STARD5: variants seen among roughly 807,000 people sequenced by gnomAD.
STARD5 encodes stAR-related lipid transfer protein 5.
STARD5 carries 26 observed loss-of-function variants against 24.6 expected under a neutral mutation model. The observed-to-expected ratio is 1.06, with a 90% confidence interval of 0.77 to 1.47. The LOEUF (loss-of-function observed/expected upper bound fraction) is 1.47. Ranked by LOEUF, STARD5 falls within the 40% of genes most tolerant of loss-of-function variation. The pLI, the probability that STARD5 is intolerant of heterozygous loss-of-function variation, is 0.00. For synonymous variants in STARD5, 101 were observed against 99.7 expected (o/e 1.01, Z -0.07); for missense variants, 254 against 270.8 (o/e 0.94, Z 0.44).
Position 81,319,466 on chromosome 15 carries a change from C to A in STARD5, c.283-10G>T. ...TGCTTACACACAGGGTCTGCCAAAC[C>A]AAAGAAGCATGTAGCTGTGACTGCT... On this transcript the variant is annotated splice_polypyrimidine_tract_variant and intron_variant, in intron 3 of 5. Coordinates refer to ENST00000302824, the MANE Select transcript of STARD5 (RefSeq NM_181900.3). 5 of 1,611,612 alleles carry A rather than the reference C, an allele frequency of 3.1e-6. No individual in the cohort carries two copies. The highest frequency in any genetic ancestry group is 4.2e-6 in the Non-Finnish European group (5 of 1,177,718).
intron 5 of STARD5, among the ~76,000 whole-genome samples, chr15:81,316,675 G>T (rs28704082): frequency 0.12 from 18,710 of 152,126 alleles, 2,147 homozygotes; most frequent in African/African-American, 0.31. Context: ...CTGAATCTAG[G>T]GTCCAGAATA....
chr15:81,323,597 A>G (rs1179625912), intron 1 of STARD5: 21 of 1,340,788 alleles, frequency 1.6e-5, no homozygotes, highest in Non-Finnish European at 2.2e-5. Context: ...ATGCTGGATC[A>G]GACTTTACTG....
intron 5 of STARD5, among the ~76,000 whole-genome samples, chr15:81,317,049 T>C (rs1255975607): frequency 1.3e-5 from 2 of 151,888 alleles, no homozygotes; most frequent in Non-Finnish European, 1.5e-5. Flanking sequence ...ATACAAAAAT[T>C]AGCCAGGCAT....
At chr15:81,313,526 C>T in intron 5 of STARD5, 123 bp from the exon 6 acceptor site, 1 of 927,288 alleles carries the variant, frequency 1.1e-6, no homozygotes, top group East Asian at 3.0e-5. Flanking sequence ...GCGTCTCATC[C>T]CTTGCTGTGC....
intron 5 of STARD5, among the ~76,000 whole-genome samples, chr15:81,314,912 A>AC (rs1410407612): frequency 6.6e-6 from 1 of 150,976 alleles, no homozygotes; most frequent in African/African-American, 2.4e-5. Flanking sequence ...AAAAAAAAAA[A>AC]AAAGAATCTC....
At chr15:81,319,569 C>G in intron 3 of STARD5, 113 bp from the exon 4 acceptor site, 5 of 877,864 alleles carry the variant, frequency 5.7e-6, no homozygotes, top group Non-Finnish European at 9.5e-6. Flanking sequence ...TAGGGTGGCA[C>G]TATAAACAGT....
chr15:81,323,996 C>A lies in STARD5; in HGVS notation c.99+5G>T. The A allele has an allele frequency of 6.3e-7, 1 of 1,592,178 alleles. No homozygotes were observed. Reference sequence around the variant, plus strand: ...CGACCCCTTCCCGCCCAGCTCCTCACTCACGCCTTCCCGGCAAATCTTCCA... The same window carrying A: ...CGACCCCTTCCCGCCCAGCTCCTCAATCACGCCTTCCCGGCAAATCTTCCA... On this transcript the variant is annotated splice_donor_5th_base_variant and intron_variant, in intron 1 of 5. Coordinates refer to ENST00000302824, the MANE Select transcript of STARD5 (RefSeq NM_181900.3).
chr15:81,322,646 T>C (rs1567056915), intron 2 of STARD5, 106 bp from the exon 3 acceptor site: 1 of 1,542,260 alleles, frequency 6.5e-7, no homozygotes, highest in Non-Finnish European at 8.9e-7. Context: ...GTCACTACTC[T>C]TTAGGACAGA....
At position 81,319,106 on chromosome 15, in the gene STARD5, AGG is replaced by A. The variant is rs11427228; in HGVS notation, c.400+231_400+232del. ...TGAGCTTCCGCAGGAAAAAAAAAAA[AGG>A]GGCACTGGCAAAACCGTGACTTGAA... On this transcript the variant is annotated intron_variant, in intron 4 of 5. Transcript: ENST00000302824. Among the ~76,000 whole-genome samples the A allele has an allele frequency of 4.7e-4, 71 of 151,156 alleles. 1 individual carries two copies. Among genetic ancestry groups the A allele is most frequent in the African/African-American group, 1.7e-3 (71 of 41,048 alleles).
At chr15:81,321,111 T>G (rs1901185269) in intron 3 of STARD5, among the ~76,000 whole-genome samples, 1 of 152,230 alleles carries the variant, frequency 6.6e-6, no homozygotes, top group East Asian at 1.9e-4. Flanking sequence ...CAGTAGCCTG[T>G]GCTTCCCCTC....
chr15:81,322,401 GACTT>G lies in STARD5; in HGVS notation c.282+3_282+6del. On this transcript the variant is annotated splice_donor_5th_base_variant and intron_variant, in intron 3 of 5. Transcript: ENST00000302824. ...TATCTAGAGATAACATGCTTGGAAA[GACTT>G]ACGTCAGTGATGCTTTGGATAATTT... 1 of 1,614,196 alleles carries G rather than the reference GACTT, an allele frequency of 6.2e-7. No individual in the cohort carries two copies. The highest frequency in any genetic ancestry group is 1.3e-5 in the African/African-American group (1 of 75,050).
intron 5 of STARD5, among the ~76,000 whole-genome samples, chr15:81,315,144 C>T (rs1901054455): frequency 6.6e-6 from 1 of 152,046 alleles, no homozygotes; most frequent in Non-Finnish European, 1.5e-5. Flanking sequence ...CAACCCCTGC[C>T]CATCCCGCCT....
At chr15:81,323,799 T>C (rs752317827) in intron 1 of STARD5, 1 of 707,508 alleles carries the variant, frequency 1.4e-6, no homozygotes, top group East Asian at 2.7e-5. Context: ...AACAGATACT[T>C]ACCACCTGAA....
chr15:81,322,951 G>A lies in STARD5; in HGVS notation c.100-3C>T, dbSNP rs1214610557. 2 of 1,614,024 alleles carry A rather than the reference G, an allele frequency of 1.2e-6. No individual in the cohort carries two copies. The highest frequency in any genetic ancestry group is 1.1e-5 in the South Asian group (1 of 91,082). ...CTCCAGGAAACTGAAACTCCATTCT[G>A]TCAAAAGGCACAGAACCACAGAATT... is the stretch of plus-strand genomic sequence containing the variant. On this transcript the variant is annotated splice_region_variant and splice_polypyrimidine_tract_variant and intron_variant, in intron 1 of 5. Transcript: ENST00000302824.
At chr15:81,319,822 T>C (rs1901159913) in intron 3 of STARD5, among the ~76,000 whole-genome samples, 1 of 152,062 alleles carries the variant, frequency 6.6e-6, no homozygotes, top group Admixed American at 6.5e-5. Flanking sequence ...CTCCTACAGG[T>C]GAGGAAACTG....
At chr15:81,323,585 A>C in intron 1 of STARD5, 2 of 1,333,764 alleles carry the variant, frequency 1.5e-6, no homozygotes, top group Non-Finnish European at 2.1e-6. Context: ...AGTATGCATC[A>C]GATGCTGGAT....
chr15:81,319,377 A>T lies in STARD5; in HGVS notation c.362T>A (p.Leu121Gln). The T allele has an allele frequency of 6.2e-7, 1 of 1,614,204 alleles. No individual in the cohort carries two copies. The highest frequency in any genetic ancestry group is 8.5e-7 in the Non-Finnish European group (1 of 1,180,028). The change falls in exon 4 of 6, where the codon CTA becomes CAA. Residue 121 changes from leucine to glutamine, a missense_variant. Leu to Gln is a moderately radical substitution (Grantham distance 113). Transcript: ENST00000302824. ...GGTCCCATCCTCATATCTCTTGACTAGCACCAAGTCCACAAAATCTCTGGG... is the reference window on the plus strand; with the variant it reads ...GGTCCCATCCTCATATCTCTTGACTTGCACCAAGTCCACAAAATCTCTGGG... ...ISPRDFVDLV[L>Q]VKRYEDGTIS...
chr15:81,318,544 C>T (rs761068056), intron 4 of STARD5, 42 bp from the exon 5 acceptor site: 37 of 1,573,654 alleles, frequency 2.4e-5, no homozygotes, highest in African/African-American at 4.1e-5. Context: ...CAACTTCAGA[C>T]GGTCAGGTCA....
At chr15:81,320,774 C>T (rs1397885307) in intron 3 of STARD5, among the ~76,000 whole-genome samples, 1 of 152,148 alleles carries the variant, frequency 6.6e-6, no homozygotes, top group African/African-American at 2.4e-5. Context: ...GCTTCCACCC[C>T]TGATGACTGC....
Sources: gnomAD v4.1 joint callset for allele counts (sites outside exome capture counted in the v4.1 genomes callset) on GRCh38, gnomAD v4.1.1 for gene constraint, MANE v1.5 for transcripts, NCBI Gene and HGNC (gene_info 2026-07-23, HGNC 2026-07-21) for gene names.